The following CHST11 variants were observed in gnomAD, a reference collection of about 807,000 sequenced individuals.
CHST11 encodes C4S-1.
A neutral mutation model predicts 30.4 loss-of-function variants in CHST11; 9 were observed. That is an observed-to-expected ratio of 0.30 (90% CI 0.18 to 0.52). CHST11 has a LOEUF of 0.52. CHST11 is among the 20% of genes least tolerant of loss of function. The pLI is 0.97. For missense variants in CHST11, 348 were observed against 460.6 expected, an observed-to-expected ratio of 0.76 and a Z score of 2.24; for synonymous variants, 152 against 187.8, an observed-to-expected ratio of 0.81 and a Z score of 1.56.
chr12:104,524,587 C>T, intron 1 of CHST11, among the ~76,000 whole-genome samples: 1 of 152,114 alleles, frequency 6.6e-6, no homozygotes. Context: ...TCCATTCATC[C>T]ATCCACTCAC....
At chr12:104,475,672 A>ATT (rs2037551340) in intron 1 of CHST11, among the ~76,000 whole-genome samples, 1 of 76,270 alleles carries the variant, frequency 1.3e-5, no homozygotes, top group Non-Finnish European at 2.6e-5. Flanking sequence ...ATATATATAT[A>ATT]TATATATATA....
intron 1 of CHST11, among the ~76,000 whole-genome samples, chr12:104,506,196 G>A (rs973602599): frequency 3.9e-5 from 6 of 152,172 alleles, no homozygotes; most frequent in Non-Finnish European, 8.8e-5. Context: ...ACAAGCGAAC[G>A]CAGATAACCA....
chr12:104,731,349 C>T (rs1051747290), intron 2 of CHST11, among the ~76,000 whole-genome samples: 17 of 152,218 alleles, frequency 1.1e-4, no homozygotes, highest in African/African-American at 4.1e-4. Flanking sequence ...GAAAGAAGTA[C>T]ACCAAAGAGA....
intron 2 of CHST11, among the ~76,000 whole-genome samples, chr12:104,613,934 C>T (rs981009979): frequency 8.5e-5 from 13 of 152,162 alleles, no homozygotes; most frequent in African/African-American, 3.1e-4. Context: ...TACAAAGTTT[C>T]ATTAGATAGA....
At chr12:104,644,181 G>A (rs77487133) in intron 2 of CHST11, among the ~76,000 whole-genome samples, 3 of 152,058 alleles carry the variant, frequency 2.0e-5, no homozygotes, top group African/African-American at 4.8e-5. Flanking sequence ...AATCTCTGCC[G>A]CAGCCACCCT....
In CHST11 at chr12:104,632,099, A is replaced by G. The variant is rs573751665; in HGVS notation, c.204+30108A>G. ...CATCCTGTCACAGACTGTGAAGCAG[A>G]GCCCCGTCCCCGAGGTGTCTGCAAT... On this transcript the variant is annotated intron_variant, in intron 2 of 2. Coordinates refer to ENST00000303694, the MANE Select transcript of CHST11 (RefSeq NM_018413.6). Among the ~76,000 whole-genome samples the G allele has an allele frequency of 3.3e-5, 5 of 152,280 alleles. No individual in the cohort carries two copies. The East Asian group carries it at 9.6e-4, about 29-fold the overall frequency.
chr12:104,541,114 C>CCT (rs67646775), intron 1 of CHST11, among the ~76,000 whole-genome samples: 138 of 147,784 alleles, frequency 9.3e-4, no homozygotes, highest in African/African-American at 1.2e-3. Flanking sequence ...AGAATCTCTC[C>CCT]CTCTCTCTCT....
chr12:104,582,633 T>C (rs1453298151), intron 1 of CHST11, among the ~76,000 whole-genome samples: 1 of 151,930 alleles, frequency 6.6e-6, no homozygotes, highest in African/African-American at 2.4e-5. Context: ...ATAATAAACA[T>C]TTCCCTGCTG....
intron 1 of CHST11, among the ~76,000 whole-genome samples, chr12:104,488,354 T>C (rs1417702297): frequency 6.6e-6 from 1 of 151,964 alleles, no homozygotes; most frequent in Non-Finnish European, 1.5e-5. Flanking sequence ...TGTATGCATG[T>C]GTGTGCGTAT....
chr12:104,682,963 T>A (rs937074123), intron 2 of CHST11, among the ~76,000 whole-genome samples: 2 of 152,248 alleles, frequency 1.3e-5, no homozygotes, highest in Admixed American at 6.5e-5. Flanking sequence ...ACTTGTCTAA[T>A]AGGGGTAAAC....
At chr12:104,554,856 AGACCCT>A (rs1217345495) in intron 1 of CHST11, among the ~76,000 whole-genome samples, 4 of 152,226 alleles carry the variant, frequency 2.6e-5, no homozygotes, top group Non-Finnish European at 5.9e-5. Flanking sequence ...CCAAAACCTA[AGACCCT>A]GAGCCAGCCA....
At chr12:104,607,929 C>T (rs1351331874) in intron 2 of CHST11, among the ~76,000 whole-genome samples, 5 of 152,112 alleles carry the variant, frequency 3.3e-5, no homozygotes, top group Admixed American at 2.0e-4. Context: ...GGTAATGTCC[C>T]CTTCCAGGCC....
chr12:104,473,980 G>A (rs11112070), intron 1 of CHST11, among the ~76,000 whole-genome samples: 1 of 151,782 alleles, frequency 6.6e-6, no homozygotes, highest in Admixed American at 6.6e-5. Context: ...TCTTCCAAAG[G>A]CTTAATTGAA....
intron 1 of CHST11, among the ~76,000 whole-genome samples, chr12:104,490,621 A>T (rs2037735779): frequency 6.6e-6 from 1 of 152,214 alleles, no homozygotes; most frequent in Non-Finnish European, 1.5e-5. Flanking sequence ...ATTGGAGTTG[A>T]TGCTGCATTT....
chr12:104,467,102 A>G (rs780515177), intron 1 of CHST11, among the ~76,000 whole-genome samples: 1 of 152,220 alleles, frequency 6.6e-6, no homozygotes, highest in Non-Finnish European at 1.5e-5. Flanking sequence ...CTGTAAATTT[A>G]CTTATGATTC....
At chr12:104,642,961 G>T (rs531699930) in intron 2 of CHST11, among the ~76,000 whole-genome samples, 1 of 151,832 alleles carries the variant, frequency 6.6e-6, no homozygotes, top group African/African-American at 2.4e-5. Flanking sequence ...GTATTTTAAG[G>T]AACACATTGT....
intron 1 of CHST11, among the ~76,000 whole-genome samples, chr12:104,554,324 G>T (rs529629340): frequency 6.6e-6 from 1 of 152,248 alleles, no homozygotes; most frequent in Admixed American, 6.5e-5. Flanking sequence ...CAGGCAGAGG[G>T]AACAGCATGT....
intron 1 of CHST11, among the ~76,000 whole-genome samples, chr12:104,541,681 G>C (rs1795864): frequency 0.55 from 83,631 of 151,988 alleles, 24,164 homozygotes; most frequent in East Asian, 0.97. Context: ...CCATCTCATG[G>C]GGAAATTGGG....
chr12:104,590,196 C>T (rs779437446), intron 1 of CHST11, among the ~76,000 whole-genome samples: 5 of 152,144 alleles, frequency 3.3e-5, no homozygotes, highest in South Asian at 2.1e-4. Context: ...TGTCTATGTG[C>T]GCACCTGTTC....
Sources: allele counts gnomAD v4.1 joint callset (sites outside exome capture counted in the v4.1 genomes callset), GRCh38; gene constraint gnomAD v4.1.1; transcripts MANE v1.5; gene names NCBI Gene and HGNC (gene_info 2026-07-23, HGNC 2026-07-21).